DLGAP1: variants seen among roughly 807,000 people sequenced by gnomAD.
DLGAP1 encodes the protein DLG associated protein 1.
In DLGAP1, 11 loss-of-function variants were observed where a neutral mutation model predicts 90.8. The observed-to-expected ratio is 0.12, with a 90% CI of 0.08 to 0.20. DLGAP1 has a LOEUF of 0.20. DLGAP1 is among the 10% of genes least tolerant of loss of function. The probability of loss-of-function intolerance (pLI) is 1.00; values close to 1 mark genes in which losing one functional copy is unlikely to be tolerated. For missense variants in DLGAP1, 1,050 were observed against 1,333.8 expected (o/e 0.79, Z 3.31); for synonymous variants, 558 against 540.7 (o/e 1.03, Z -0.44).
intron 2 of DLGAP1, among the ~76,000 whole-genome samples, chr18:4,142,692 T>TAGCC (rs780559032): frequency 1.3e-5 from 2 of 152,072 alleles, no homozygotes; most frequent in Non-Finnish European, 2.9e-5. Flanking sequence ...AATAGAAAAA[T>TAGCC]AGCCAACAGG....
intron 7 of DLGAP1, among the ~76,000 whole-genome samples, chr18:3,683,835 T>TTC (rs2060606055): frequency 6.6e-6 from 1 of 152,156 alleles, no homozygotes; most frequent in African/African-American, 2.4e-5. Flanking sequence ...TATTGCGATC[T>TTC]CTTACTAGAG....
intron 7 of DLGAP1, among the ~76,000 whole-genome samples, chr18:3,693,256 T>C (rs1348801918): frequency 2.1e-5 from 3 of 144,504 alleles, no homozygotes; most frequent in Non-Finnish European, 4.6e-5. Flanking sequence ...CTTATTTAAA[T>C]TTTTTTTTTT....
chr18:4,095,751 T>G (rs551917138), intron 2 of DLGAP1, among the ~76,000 whole-genome samples: 2 of 151,594 alleles, frequency 1.3e-5, no homozygotes, highest in Non-Finnish European at 2.9e-5. Flanking sequence ...TAGATGCCAA[T>G]TGGGATACAC....
intron 5 of DLGAP1, among the ~76,000 whole-genome samples, chr18:3,745,451 G>C (rs2063228722): frequency 6.6e-6 from 1 of 152,148 alleles, no homozygotes; most frequent in Non-Finnish European, 1.5e-5. Context: ...GGCAATACTA[G>C]AGAAAGAAGG....
chr18:3,606,086 G>A lies in DLGAP1; in HGVS notation c.1592-23838C>T, dbSNP rs149878898. ...TTCAGATTTCATTTTTAAAATGAAA[G>A]TGAAAGATTAAAGAATTTTGGCATC... On this transcript the variant is annotated intron_variant, in intron 7 of 12. Transcript: ENST00000315677. Among the ~76,000 whole-genome samples, 263 of 152,332 alleles carry A rather than the reference G, an allele frequency of 1.7e-3. 1 individual carries two copies. The highest frequency in any genetic ancestry group is 6.2e-3 in the African/African-American group (256 of 41,572).
intron 2 of DLGAP1, among the ~76,000 whole-genome samples, chr18:4,093,748 GT>G (rs1453797538): frequency 6.6e-6 from 1 of 152,048 alleles, no homozygotes; most frequent in East Asian, 1.9e-4. Flanking sequence ...CAATCACCTT[GT>G]CTGCTTTTTA....
At chr18:3,714,961 A>G (rs1352976717) in intron 7 of DLGAP1, among the ~76,000 whole-genome samples, 1 of 152,090 alleles carries the variant, frequency 6.6e-6, no homozygotes, top group Non-Finnish European at 1.5e-5. Flanking sequence ...CGCAGACAAC[A>G]CTGCAGATGT....
intron 10 of DLGAP1, among the ~76,000 whole-genome samples, chr18:3,529,271 A>G (rs1403177575): frequency 6.6e-6 from 1 of 152,208 alleles, no homozygotes; most frequent in Non-Finnish European, 1.5e-5. Flanking sequence ...TGCTGCCTCC[A>G]TCGTGAGGCT....
intron 1 of DLGAP1, among the ~76,000 whole-genome samples, chr18:4,200,530 C>T (rs2077588570): frequency 1.3e-5 from 2 of 151,398 alleles, no homozygotes; most frequent in South Asian, 4.2e-4. Context: ...CAAAGAAGGA[C>T]ATATTTTGCT....
intron 3 of DLGAP1, among the ~76,000 whole-genome samples, chr18:3,960,316 T>C (rs1438692082): frequency 6.6e-6 from 1 of 152,192 alleles, no homozygotes; most frequent in Admixed American, 6.5e-5. Context: ...GCTGATTCAT[T>C]GCACTCTGAC....
At chr18:3,793,693 G>T (rs2065853074) in intron 5 of DLGAP1, among the ~76,000 whole-genome samples, 1 of 152,026 alleles carries the variant, frequency 6.6e-6, no homozygotes, top group Non-Finnish European at 1.5e-5. Context: ...GGCCACCCCT[G>T]CTCTCCTGCA....
chr18:3,623,516 A>G (rs1056576666), intron 7 of DLGAP1, among the ~76,000 whole-genome samples: 9 of 152,198 alleles, frequency 5.9e-5, no homozygotes, highest in South Asian at 2.1e-4. Context: ...AGCCGGGCAC[A>G]GTGGCTCACG....
chr18:3,951,200 T>A (rs923412319), intron 3 of DLGAP1, among the ~76,000 whole-genome samples: 1 of 152,220 alleles, frequency 6.6e-6, no homozygotes, highest in Non-Finnish European at 1.5e-5. Context: ...CAGAACAAAA[T>A]TAGCAAGTTA....
chr18:3,672,785 AG>A (rs2146768981), intron 7 of DLGAP1, among the ~76,000 whole-genome samples: 1 of 152,068 alleles, frequency 6.6e-6, no homozygotes, highest in South Asian at 2.1e-4. Flanking sequence ...TCCGGCATCA[AG>A]GCAGACTAGC....
chr18:4,062,939 T>A (rs1280623562), intron 2 of DLGAP1, among the ~76,000 whole-genome samples: 3 of 152,124 alleles, frequency 2.0e-5, no homozygotes, highest in Non-Finnish European at 4.4e-5. Flanking sequence ...AGGGATACCA[T>A]TCTCTCAATA....
chr18:3,642,844 TG>T (rs983261814), intron 7 of DLGAP1, among the ~76,000 whole-genome samples: 3 of 152,190 alleles, frequency 2.0e-5, no homozygotes, highest in African/African-American at 7.2e-5. Context: ...ATACTGCTGG[TG>T]GGAGTACAAA....
intron 3 of DLGAP1, among the ~76,000 whole-genome samples, chr18:3,970,007 T>C (rs7241219): frequency 0.092 from 13,992 of 152,218 alleles, 1,371 homozygotes; most frequent in African/African-American, 0.25. Flanking sequence ...ACGATGTGGG[T>C]GTTTAATCAG....
chr18:3,811,845 C>T (rs897386108), intron 5 of DLGAP1, among the ~76,000 whole-genome samples: 1 of 152,184 alleles, frequency 6.6e-6, no homozygotes, highest in Non-Finnish European at 1.5e-5. Flanking sequence ...TAGCCCAGGG[C>T]ACAATTGTGA....
chr18:3,771,775 C>T (rs1458616910), intron 5 of DLGAP1, among the ~76,000 whole-genome samples: 1 of 151,900 alleles, frequency 6.6e-6, no homozygotes, highest in African/African-American at 2.4e-5. Context: ...CTGGGTCTAA[C>T]TAGCTAGTTA....
Sources: allele counts gnomAD v4.1 joint callset (sites outside exome capture counted in the v4.1 genomes callset), GRCh38; gene constraint gnomAD v4.1.1; transcripts MANE v1.5; gene names NCBI Gene and HGNC (gene_info 2026-07-23, HGNC 2026-07-21).